Variants in ALMS1 observed in about 807,000 individuals in gnomAD.
ALMS1 encodes the protein ALMS1 centrosome and basal body associated protein, also known as centrosome-associated protein ALMS1.
ALMS1 carries 271 observed loss-of-function variants against 352.2 expected under a neutral mutation model. That is an observed-to-expected ratio of 0.77 (90% CI 0.70 to 0.85). The LOEUF (loss-of-function observed/expected upper bound fraction) is 0.85, where lower values mean the gene tolerates loss of function less well. Among genes scored for constraint, ALMS1 ranks in the 40% least tolerant of loss-of-function variants. ALMS1 has a pLI of 0.00. For synonymous variants in ALMS1, 1,865 were observed against 1,761.2 expected (o/e 1.06, Z -1.48); for missense variants, 5,445 against 4,870.7 (o/e 1.12, Z -3.51).
chr2:73,595,902 G>A (rs188837285), intron 16 of ALMS1, among the ~76,000 whole-genome samples: 3 of 152,280 alleles, frequency 2.0e-5, no homozygotes, highest in East Asian at 1.9e-4. Context: ...TGAACATTTT[G>A]TGTGCTTATT....
At chr2:73,568,276 G>A (rs531597511) in intron 15 of ALMS1, among the ~76,000 whole-genome samples, 24 of 152,260 alleles carry the variant, frequency 1.6e-4, no homozygotes, top group African/African-American at 5.1e-4. Flanking sequence ...CAAATTTGTT[G>A]CAACATTTTT....
rs1275113273 is a variant in ALMS1, at chr2:73,424,716, C to T, written c.1051C>T (p.Arg351Ter). The T allele has an allele frequency of 1.1e-5, 17 of 1,613,924 alleles. No homozygotes were observed. Among genetic ancestry groups the T allele is most frequent in the African/African-American group, 1.3e-5 (1 of 74,966 alleles). ...TTGTTCATATATGTCATGGAAGACA[C>T]GAAAAGATACACAGTGGCCTGAAAA... The part of the protein sequence containing the change: ...DLCSYMSWKT[R>*]KDTQWPENNL... The change falls in exon 5 of 23, where the codon CGA becomes TGA. Residue 351 changes from arginine (R) to a stop codon, truncating the protein, a stop_gained. Coordinates refer to ENST00000613296, the MANE Select transcript of ALMS1 (RefSeq NM_001378454.1). LOFTEE classifies it high-confidence loss of function.
intron 9 of ALMS1, among the ~76,000 whole-genome samples, chr2:73,474,926 A>T (rs911357014): frequency 2.0e-5 from 3 of 152,136 alleles, no homozygotes; most frequent in Non-Finnish European, 4.4e-5. Context: ...GCCCTAGGCA[A>T]ACACCAGTCC....
intron 16 of ALMS1, among the ~76,000 whole-genome samples, chr2:73,590,075 C>T (rs1009605062): frequency 1.3e-5 from 2 of 150,818 alleles, no homozygotes; most frequent in African/African-American, 4.9e-5. Context: ...TGAGATGATA[C>T]TTGTCTTGAA....
At chr2:73,417,101 A>AC (rs372732687) in intron 2 of ALMS1, among the ~76,000 whole-genome samples, 1 of 147,470 alleles carries the variant, frequency 6.8e-6, no homozygotes, top group African/African-American at 2.7e-5. Flanking sequence ...TCACACACAC[A>AC]AAAAAAGAAA....
chr2:73,449,881 A>G lies in ALMS1; in HGVS notation c.3354A>G (p.Lys1118=). The G allele has an allele frequency of 1.2e-6, 2 of 1,613,998 alleles. No individual in the cohort carries two copies. ...CCTTGCCAGAGAGTCATCTGCCTAA[A>G]GAGGCTCTGAAAATTTCAGTAGCTC... is the stretch of plus-strand genomic sequence containing the variant. The part of the protein sequence containing the change: ...QQTLPESHLP[K]EALKISVAPG... Residue 1118 remains lysine (K), a synonymous_variant, in exon 8 of 23, where the codon AAA becomes AAG. Transcript: ENST00000613296.
intron 9 of ALMS1, among the ~76,000 whole-genome samples, chr2:73,462,233 G>A (rs1351323014): frequency 1.3e-5 from 2 of 152,180 alleles, no homozygotes; most frequent in Admixed American, 1.3e-4. Flanking sequence ...ACAAAGGGAA[G>A]CCCATCAGAC....
At position 73,432,240 on chromosome 2, in the gene ALMS1, T is replaced by C. The variant is rs935279576; in HGVS notation, c.1381T>C (p.Leu461=). Residue 461 remains leucine, a synonymous_variant, in exon 7 of 23, where the codon TTG becomes CTG. Transcript: ENST00000613296. ...ATATCACTCTTCAGATCTCAGAATG[T>C]TGAGGATGTCTCCTGACACTGTGCC... is the stretch of plus-strand genomic sequence containing the variant. ...SEYHSSDLRM[L]RMSPDTVPKA... The C allele has an allele frequency of 4.3e-6, 7 of 1,613,592 alleles. No individual in the cohort carries two copies. Among genetic ancestry groups the C allele is most frequent in the Admixed American group, 3.3e-5 (2 of 60,006 alleles).
chr2:73,585,244 G>T (rs1675284063), intron 16 of ALMS1, among the ~76,000 whole-genome samples: 1 of 152,018 alleles, frequency 6.6e-6, no homozygotes, highest in Admixed American at 6.6e-5. Flanking sequence ...ATTCCCACCA[G>T]CAGTGTAAAA....
At chr2:73,424,210 A>G (rs945776453) in intron 4 of ALMS1, among the ~76,000 whole-genome samples, 1 of 152,204 alleles carries the variant, frequency 6.6e-6, no homozygotes, top group Non-Finnish European at 1.5e-5. Context: ...CTGAGATAAT[A>G]TCAGGGTTAT....
chr2:73,454,412 C>A, intron 8 of ALMS1: 2 of 966,730 alleles, frequency 2.1e-6, no homozygotes, highest in Non-Finnish European at 2.5e-6. Flanking sequence ...AAAGCTATCA[C>A]GTTTCTCTAA....
intron 11 of ALMS1, among the ~76,000 whole-genome samples, chr2:73,531,285 G>A (rs1195601537): frequency 6.6e-6 from 1 of 152,150 alleles, no homozygotes; most frequent in Non-Finnish European, 1.5e-5. Context: ...CCTCTTGAAT[G>A]CTTTGCTGTT....
chr2:73,451,238 T>C lies in ALMS1; in HGVS notation c.4711T>C (p.Tyr1571His), dbSNP rs1281976004. The C allele has an allele frequency of 6.2e-7, 1 of 1,612,918 alleles. No individual in the cohort carries two copies. The highest frequency in any genetic ancestry group is 2.2e-5 in the East Asian group (1 of 44,834). Residue 1571 changes from tyrosine to histidine, a missense_variant, in exon 8 of 23, where the codon TAC becomes CAC. Physicochemically the swap from Tyr to His is moderately conservative, Grantham distance 83 (BLOSUM62 2). Transcript: ENST00000613296. ...CATACCAACCATAACCTCTACTTCC[T>C]ACTCATTTGGAGAGAAGCCGATTGT... ...TGIPTITSTSYSFGEKPIVNY... is the reference protein window; with the variant it reads ...TGIPTITSTSHSFGEKPIVNY...
At position 73,491,331 on chromosome 2, in the gene ALMS1, T is replaced by C. The variant is rs926259371; in HGVS notation, c.9372T>C (p.Asp3124=). The change falls in exon 10 of 23, where the codon GAT becomes GAC. Residue 3124 remains aspartate (D), a synonymous_variant. Transcript: ENST00000613296. The part of the protein sequence containing the change: ...LGFLGPKSSL[D]FQVVQPSLPD... ...TTCTAGGACCTAAATCTTCACTGGA[T>C]TTCCAAGTCGTACAGCCTTCTCTTC... 1.9e-6 allele frequency: 3 copies of C among 1,614,182 alleles called. No individual in the cohort carries two copies. The Admixed American group carries it at 5.0e-5, about 27-fold the overall frequency.
At position 73,539,461 on chromosome 2, in the gene ALMS1, G is replaced by A. The variant is rs377619395; in HGVS notation, c.9907+4512G>A. 1.3e-3 allele frequency among the ~76,000 whole-genome samples: 201 copies of A among 152,106 alleles called. 4 individuals carry two copies. The Middle Eastern group carries it at 0.02, about 15-fold the overall frequency. On this transcript the variant is annotated intron_variant, in intron 12 of 22. Coordinates refer to ENST00000613296, the MANE Select transcript of ALMS1 (RefSeq NM_001378454.1). ...AGAAAAACTGAAAATTCTAAAAATC[G>A]GAGCGCCTCTCCTCCTCCAAAGGAA...
intron 1 of ALMS1, 77 bp downstream of exon 1, chr2:73,386,269 C>G: frequency 7.1e-7 from 1 of 1,415,598 alleles, no homozygotes; most frequent in Non-Finnish European, 9.2e-7. Context: ...TCCGCCCGCC[C>G]GCAGGTCACG....
chr2:73,533,042 G>A (rs1673954476), intron 11 of ALMS1, among the ~76,000 whole-genome samples: 3 of 152,198 alleles, frequency 2.0e-5, no homozygotes, highest in Admixed American at 2.0e-4. Context: ...ATGGAATGGA[G>A]GCCTCAGGAC....
chr2:73,599,500 T>A lies in ALMS1; in HGVS notation c.11647T>A (p.Leu3883Ile). ...TTGCAACAAGCAGAATGTACACATGTTAAACAAGGGCATACAAGCAGGTAA... is the reference window on the plus strand; with the variant it reads ...TTGCAACAAGCAGAATGTACACATGATAAACAAGGGCATACAAGCAGGTAA... ...TFCNKQNVHM[L>I]NKGIQAGNLE... The change falls in exon 17 of 23, where the codon TTA (leucine) becomes ATA (isoleucine). Residue 3883 changes from leucine (L) to isoleucine (I), a missense_variant. Leu to Ile is a conservative substitution (Grantham distance 5). Coordinates refer to ENST00000613296, the MANE Select transcript of ALMS1 (RefSeq NM_001378454.1). 6.2e-7 allele frequency: 1 copy of A among 1,613,666 alleles called. No homozygotes were observed. Among genetic ancestry groups the A allele is most frequent in the South Asian group, 1.1e-5 (1 of 91,072 alleles).
chr2:73,451,876 GA>G lies in ALMS1; in HGVS notation c.5352del (p.Val1785PhefsTer17). The G allele has an allele frequency of 6.2e-7, 1 of 1,613,750 alleles. No homozygotes were observed. Among genetic ancestry groups the G allele is most frequent in the Non-Finnish European group, 8.5e-7 (1 of 1,179,744 alleles). ...ATAGTCATCTAACTGAAGAGGCTCT[GA>G]AAGTTTCAAATGTTCCTGGACCAGC... ...PDSHLTEEAL[K>X]VSNVPGPADQ... is the part of the protein sequence containing the mutation. On this transcript the variant is annotated frameshift_variant, in exon 8 of 23. Transcript: ENST00000613296. LOFTEE classifies it high-confidence loss of function.
Sources: gnomAD v4.1 joint callset for allele counts (sites outside exome capture counted in the v4.1 genomes callset) on GRCh38, gnomAD v4.1.1 for gene constraint, MANE v1.5 for transcripts, NCBI Gene and HGNC (gene_info 2026-07-23, HGNC 2026-07-21) for gene names.